Variants in SVOPL observed in about 807,000 individuals in gnomAD.
The protein encoded by SVOPL is SVOP like, also known as putative transporter SVOPL.
A neutral mutation model predicts 61.0 loss-of-function variants in SVOPL; 60 were observed. That is an observed-to-expected ratio of 0.98 (90% CI 0.80 to 1.22). The LOEUF (loss-of-function observed/expected upper bound fraction) is 1.22, where lower values mean the gene tolerates loss of function less well. Among genes scored for constraint, SVOPL ranks in the 50% most tolerant of loss-of-function variants. SVOPL has a pLI of 0.00. For missense variants in SVOPL, 662 were observed against 643.9 expected (o/e 1.03, Z -0.30); for synonymous variants, 279 against 250.0 (o/e 1.12, Z -1.09).
intron 9 of SVOPL, among the ~76,000 whole-genome samples, chr7:138,636,413 C>T (rs937196927): frequency 6.6e-6 from 1 of 151,132 alleles, no homozygotes; most frequent in East Asian, 1.9e-4. Flanking sequence ...TACAAAGATA[C>T]TGATTCTCTC....
At chr7:138,664,826 TC>T (rs1197547379) in intron 4 of SVOPL, among the ~76,000 whole-genome samples, 12 of 58,256 alleles carry the variant, frequency 2.1e-4, no homozygotes, top group African/African-American at 8.4e-4. Context: ...GCTCGACCCT[TC>T]CCCCCACCCC....
In SVOPL at chr7:138,596,501, G is replaced by A. The variant is rs753961271; in HGVS notation, c.1383C>T (p.Ala461=). Residue 461 remains alanine (A), a synonymous_variant, in exon 15 of 16, where the codon GCC becomes GCT. Coordinates refer to ENST00000674285, the MANE Select transcript of SVOPL (RefSeq NM_001139456.2). The stretch of plus-strand genomic sequence containing the variant: ...CACAGACAGATGAGAAGAGACACAG[G>A]GCCCCCAGTATTGATGCACTCATAA... ...QVLMSASILG[A]LCLFSSVCVV... is the part of the protein sequence containing the mutation. 6.2e-7 allele frequency: 1 copy of A among 1,613,634 alleles called. No homozygotes were observed. Among genetic ancestry groups the A allele is most frequent in the South Asian group, 1.1e-5 (1 of 91,032 alleles).
intron 5 of SVOPL, 150 bp downstream of exon 5, chr7:138,662,924 C>A: frequency 6.8e-7 from 1 of 1,473,566 alleles, no homozygotes; most frequent in Non-Finnish European, 9.0e-7. Context: ...AGAAGATAAG[C>A]CTGGAATGTT....
rs558623092 is a variant in SVOPL, at chr7:138,694,249, T to G, written c.-35+6929A>C. Reference sequence around the variant, plus strand: ...TAAGGAAGGTCACCACACTGTTGGGTTTTTTTTGTTTTTGAGACGGAGTCT... The same window carrying G: ...TAAGGAAGGTCACCACACTGTTGGGGTTTTTTTGTTTTTGAGACGGAGTCT... On this transcript the variant is annotated intron_variant, in intron 1 of 15. Coordinates refer to ENST00000674285, the MANE Select transcript of SVOPL (RefSeq NM_001139456.2). 2.6e-5 allele frequency among the ~76,000 whole-genome samples: 4 copies of G among 152,094 alleles called. No homozygotes were observed. In the East Asian group the frequency reaches 5.8e-4, roughly 22 times the overall value.
In SVOPL at chr7:138,621,101, C is replaced by T. The variant is rs185851913; in HGVS notation, c.1298G>A (p.Gly433Glu). 1 of 1,613,834 alleles carries T rather than the reference C, an allele frequency of 6.2e-7. No homozygotes were observed. Among genetic ancestry groups the T allele is most frequent in the Non-Finnish European group, 8.5e-7 (1 of 1,179,918 alleles). ...YPTTMRALGM[G>E]TSGSLCRIGA... The stretch of plus-strand genomic sequence containing the variant: ...AATGCGACACAGGGAGCCGCTGGTT[C>T]CCATCCCCAAAGCGCGCATCGTGGT... Residue 433 changes from glycine to glutamate, a missense_variant, in exon 14 of 16, where the codon GGA becomes GAA. Transcript: ENST00000674285.
intron 1 of SVOPL, among the ~76,000 whole-genome samples, chr7:138,699,720 T>C (rs775986624): frequency 6.6e-6 from 1 of 152,090 alleles, no homozygotes; most frequent in Non-Finnish European, 1.5e-5. Context: ...GCATAGTTGG[T>C]GCAGGGGGTG....
intron 5 of SVOPL, chr7:138,661,404 G>A (rs937947817): frequency 1.1e-5 from 11 of 985,232 alleles, no homozygotes; most frequent in Non-Finnish European, 1.3e-5. Flanking sequence ...AGAGAGAAAA[G>A]CGGCTCAGAA....
At chr7:138,619,921 T>C (rs1049332003) in intron 14 of SVOPL, among the ~76,000 whole-genome samples, 2 of 152,018 alleles carry the variant, frequency 1.3e-5, no homozygotes. Context: ...CACAGCACCC[T>C]GGTTCTCAGG....
intron 7 of SVOPL, among the ~76,000 whole-genome samples, chr7:138,652,906 G>GT (rs934150188): frequency 6.6e-6 from 1 of 152,150 alleles, no homozygotes; most frequent in African/African-American, 2.4e-5. Flanking sequence ...GATTACAGGC[G>GT]TGAGCCACCG....
intron 14 of SVOPL, among the ~76,000 whole-genome samples, chr7:138,611,881 C>A (rs1406860442): frequency 2.6e-5 from 2 of 75,804 alleles, no homozygotes; most frequent in African/African-American, 4.6e-5. Flanking sequence ...GGCCGCCACC[C>A]CGTCTGGGAG....
intron 1 of SVOPL, among the ~76,000 whole-genome samples, chr7:138,699,360 C>T (rs1431739876): frequency 6.6e-6 from 1 of 152,092 alleles, no homozygotes; most frequent in Non-Finnish European, 1.5e-5. Flanking sequence ...TTACCAAATA[C>T]ATATATGTCT....
chr7:138,617,579 C>T (rs1317930105), intron 14 of SVOPL, among the ~76,000 whole-genome samples: 10 of 152,086 alleles, frequency 6.6e-5, no homozygotes, highest in African/African-American at 2.4e-4. Flanking sequence ...CCAGGCTCAG[C>T]GGTTCACACC....
At chr7:138,639,926 T>A (rs1199943327) in intron 9 of SVOPL, among the ~76,000 whole-genome samples, 1 of 139,966 alleles carries the variant, frequency 7.1e-6, no homozygotes, top group South Asian at 2.3e-4. Flanking sequence ...TTTTTTTTTT[T>A]AGCGGGGAGC....
chr7:138,677,653 C>A lies in SVOPL; in HGVS notation c.174+781G>T, dbSNP rs186600480. Among the ~76,000 whole-genome samples, 498 of 151,740 alleles carry A rather than the reference C, an allele frequency of 3.3e-3. 4 individuals are homozygous for A. The highest frequency in any genetic ancestry group is 0.011 in the African/African-American group (458 of 41,390). On this transcript the variant is annotated intron_variant, in intron 3 of 15. Transcript: ENST00000674285. ...AAGAGATTAACTAAAAGTCTAGCAC[C>A]TTTTAAAGGTCTGAATAGGAAACAT...
chr7:138,679,108 A>T (rs1173340505), intron 1 of SVOPL, 29 bp from the exon 2 acceptor site: 1 of 1,439,698 alleles, frequency 6.9e-7, no homozygotes, highest in African/African-American at 1.4e-5. Context: ...GGAAGAAGGA[A>T]AGAAATATAA....
At chr7:138,618,722 GAGGA>G (rs1321176696) in intron 14 of SVOPL, among the ~76,000 whole-genome samples, 8 of 148,896 alleles carry the variant, frequency 5.4e-5, no homozygotes, top group Non-Finnish European at 8.9e-5. Flanking sequence ...GAGAGAGAGA[GAGGA>G]AGGAAGGAAG....
At chr7:138,684,296 C>T (rs1053338861) in intron 1 of SVOPL, among the ~76,000 whole-genome samples, 40 of 149,514 alleles carry the variant, frequency 2.7e-4, no homozygotes, top group African/African-American at 8.7e-4. Context: ...ACCTGGGAGG[C>T]GGAGCTTGCA....
chr7:138,659,820 G>A (rs936994312), intron 6 of SVOPL, 44 bp downstream of exon 6: 9 of 1,534,920 alleles, frequency 5.9e-6, no homozygotes, highest in Middle Eastern at 1.8e-4. Context: ...GGGCCTGCAG[G>A]GGTACACGTT....
intron 1 of SVOPL, among the ~76,000 whole-genome samples, chr7:138,694,210 G>A (rs1409028303): frequency 2.0e-5 from 3 of 152,192 alleles, no homozygotes; most frequent in Non-Finnish European, 4.4e-5. Context: ...CGTATACAAC[G>A]ATATAGGTGG....
Sources: gnomAD v4.1 joint callset for allele counts (sites outside exome capture counted in the v4.1 genomes callset) on GRCh38, gnomAD v4.1.1 for gene constraint, MANE v1.5 for transcripts, NCBI Gene and HGNC (gene_info 2026-07-23, HGNC 2026-07-21) for gene names.